SIPA1L3: variants seen among roughly 807,000 people sequenced by gnomAD.
SIPA1L3 encodes the protein signal-induced proliferation-associated 1-like protein 3.
A neutral mutation model predicts 150.1 loss-of-function variants in SIPA1L3; 59 were observed. That is an observed-to-expected ratio of 0.39 (90% confidence interval 0.32 to 0.49). The LOEUF (loss-of-function observed/expected upper bound fraction) is 0.49. Among genes scored for constraint, SIPA1L3 ranks in the 20% least tolerant of loss-of-function variants. The pLI is 0.86. For missense variants in SIPA1L3, 2,211 were observed against 2,489.5 expected (o/e 0.89, Z 2.38); for synonymous variants, 1,070 against 1,077.6 (o/e 0.99, Z 0.14).
Position 38,082,508 on chromosome 19 carries a change from G to T in SIPA1L3, c.943G>T (p.Gly315Trp). The change falls in exon 3 of 22, where the codon GGG becomes TGG. Residue 315 changes from glycine to tryptophan, a missense_variant. Gly to Trp is a radical substitution (Grantham distance 184). Transcript: ENST00000222345. ...GAGCAGCAAACCCGAGGGGGAGGCTGGGCGTTCCCCGGGGGAGGCCGACGA... is the reference window on the plus strand; with the variant it reads ...GAGCAGCAAACCCGAGGGGGAGGCTTGGCGTTCCCCGGGGGAGGCCGACGA... ...LRSSKPEGEA[G>W]RSPGEADEGR... 1 of 1,596,524 alleles carries T rather than the reference G, an allele frequency of 6.3e-7. No homozygotes were observed. The highest frequency in any genetic ancestry group is 8.5e-7 in the Non-Finnish European group (1 of 1,170,966).
At chr19:38,052,158 G>C (rs1410031430) in intron 2 of SIPA1L3, among the ~76,000 whole-genome samples, 1 of 152,186 alleles carries the variant, frequency 6.6e-6, no homozygotes, top group East Asian at 1.9e-4. Flanking sequence ...ATCATCCTGT[G>C]GTGCTTTTCA....
intron 21 of SIPA1L3, 132 bp downstream of exon 21, chr19:38,204,340 C>T (rs1340527968): frequency 7.5e-6 from 5 of 664,796 alleles, no homozygotes; most frequent in Non-Finnish European, 1.3e-5. Context: ...TGAGTGTAGT[C>T]ATGGGTGAAG....
intron 2 of SIPA1L3, among the ~76,000 whole-genome samples, chr19:38,071,122 C>T (rs1969705885): frequency 6.6e-6 from 1 of 152,182 alleles, no homozygotes; most frequent in African/African-American, 2.4e-5. Context: ...TGCCTTGGGT[C>T]ACAGACCCCA....
At chr19:37,942,515 T>TG (rs1273522730) in intron 1 of SIPA1L3, among the ~76,000 whole-genome samples, 2 of 22,226 alleles carry the variant, frequency 9.0e-5, no homozygotes, top group East Asian at 3.2e-3. Context: ...TGAAGGAGTG[T>TG]GGGGTGGGGG....
intron 1 of SIPA1L3, among the ~76,000 whole-genome samples, chr19:37,926,075 T>C (rs1167884279): frequency 6.6e-6 from 1 of 152,212 alleles, no homozygotes; most frequent in African/African-American, 2.4e-5. Flanking sequence ...TTGGACTGCC[T>C]GACATTGTGC....
At chr19:38,041,608 G>C (rs1161590037) in intron 2 of SIPA1L3, among the ~76,000 whole-genome samples, 1 of 150,456 alleles carries the variant, frequency 6.6e-6, no homozygotes, top group Non-Finnish European at 1.5e-5. Context: ...GTTTTGTTTT[G>C]TTTTTAGTAG....
Position 38,099,942 on chromosome 19 carries a change from C to T in SIPA1L3, c.1666-20C>T, listed in dbSNP as rs1200634213. 1.9e-6 allele frequency: 3 copies of T among 1,570,726 alleles called. No individual in the cohort carries two copies. The highest frequency in any genetic ancestry group is 1.7e-6 in the Non-Finnish European group (2 of 1,165,112). On this transcript the variant is annotated intron_variant, in intron 4 of 21. Transcript: ENST00000222345. ...TAGGTCTCGAGAGCCCCCTAACCTT[C>T]CCTTCTCTCCCTTGAGTAGCTCATC...
At chr19:38,129,396 C>T (rs899630489) in intron 9 of SIPA1L3, among the ~76,000 whole-genome samples, 2 of 151,876 alleles carry the variant, frequency 1.3e-5, no homozygotes, top group East Asian at 1.9e-4. Flanking sequence ...GAGGCCGAGG[C>T]GGGCAGATCA....
At chr19:38,026,712 G>C (rs116769340) in intron 1 of SIPA1L3, among the ~76,000 whole-genome samples, 2 of 152,094 alleles carry the variant, frequency 1.3e-5, no homozygotes, top group African/African-American at 4.8e-5. Flanking sequence ...CTTAATCTCG[G>C]GTCCATGGAC....
At chr19:38,127,060 C>T (rs762957709) in intron 9 of SIPA1L3, among the ~76,000 whole-genome samples, 12 of 152,206 alleles carry the variant, frequency 7.9e-5, no homozygotes, top group South Asian at 2.1e-4. Context: ...GGTGTGGTGG[C>T]GCATGCCTGT....
chr19:37,965,869 C>T (rs1000278421), intron 1 of SIPA1L3, among the ~76,000 whole-genome samples: 1 of 152,240 alleles, frequency 6.6e-6, no homozygotes, highest in South Asian at 2.1e-4. Context: ...TGGGACCCAG[C>T]GTTCTGTGTT....
chr19:38,002,660 A>C (rs913464094), intron 1 of SIPA1L3, among the ~76,000 whole-genome samples: 1 of 134,362 alleles, frequency 7.4e-6, no homozygotes, highest in Admixed American at 8.8e-5. Context: ...CGGAGGTTGC[A>C]GTGAGCTGAG....
chr19:37,989,511 C>T (rs1967444611), intron 1 of SIPA1L3, among the ~76,000 whole-genome samples: 1 of 152,128 alleles, frequency 6.6e-6, no homozygotes, highest in African/African-American at 2.4e-5. Flanking sequence ...GGCATAATCT[C>T]AGTGTACCAC....
At chr19:38,170,668 A>G (rs1171103990) in intron 15 of SIPA1L3, among the ~76,000 whole-genome samples, 1 of 152,206 alleles carries the variant, frequency 6.6e-6, no homozygotes, top group Non-Finnish European at 1.5e-5. Context: ...CCCATGGGAA[A>G]CAGCTAGTGA....
At chr19:37,962,463 CTT>C (rs71177491) in intron 1 of SIPA1L3, among the ~76,000 whole-genome samples, 1,401 of 73,092 alleles carry the variant, frequency 0.019, 42 homozygotes, top group African/African-American at 0.093. Context: ...TGCAGCCGGC[CTT>C]TTTTTTTTTT....
intron 6 of SIPA1L3, among the ~76,000 whole-genome samples, chr19:38,106,108 A>ATT (rs56305500): frequency 0.019 from 2,574 of 134,052 alleles, 68 homozygotes; most frequent in African/African-American, 0.068. Flanking sequence ...AATGTATTTA[A>ATT]TTTTTTTTTT....
intron 1 of SIPA1L3, among the ~76,000 whole-genome samples, chr19:37,934,544 G>A (rs1218334029): frequency 1.3e-5 from 2 of 152,178 alleles, no homozygotes; most frequent in Non-Finnish European, 2.9e-5. Context: ...AGTGAGATCA[G>A]GTGACTCAGT....
At chr19:38,083,190 C>G in intron 3 of SIPA1L3, 91 bp downstream of exon 3, 3 of 1,278,580 alleles carry the variant, frequency 2.3e-6, no homozygotes, top group South Asian at 1.3e-5. Context: ...GTGCCAGGCC[C>G]TGCTCTGGCA....
intron 2 of SIPA1L3, among the ~76,000 whole-genome samples, chr19:38,075,151 A>AT (rs1229099758): frequency 1.3e-5 from 2 of 152,184 alleles, no homozygotes; most frequent in African/African-American, 4.8e-5. Flanking sequence ...ATATTGGAAA[A>AT]TTTTTTAGAA....
Sources: gnomAD v4.1 joint callset for allele counts (sites outside exome capture counted in the v4.1 genomes callset) on GRCh38, gnomAD v4.1.1 for gene constraint, MANE v1.5 for transcripts, NCBI Gene and HGNC (gene_info 2026-07-23, HGNC 2026-07-21) for gene names.